Variants in SLC25A18 observed in about 807,000 individuals in gnomAD.
SLC25A18 encodes mitochondrial glutamate carrier 2.
A neutral mutation model predicts 31.1 loss-of-function variants in SLC25A18; 24 were observed. The ratio of observed to expected loss-of-function variants is 0.77; its 90% confidence interval spans 0.56 to 1.08. The LOEUF is 1.08. Ranked by LOEUF, SLC25A18 falls within the 50% of genes least tolerant of loss-of-function variation. The pLI, the probability that SLC25A18 is intolerant of heterozygous loss-of-function variation, is 0.00. For synonymous variants in SLC25A18, 173 were observed against 161.9 expected, an observed-to-expected ratio of 1.07 and a Z score of -0.52; for missense variants, 371 against 418.5, an observed-to-expected ratio of 0.89 and a Z score of 0.99.
Position 17,576,085 on chromosome 22 carries a change from G to T in SLC25A18, c.-200-3660G>T, listed in dbSNP as rs143740661. 3.2e-3 allele frequency among the ~76,000 whole-genome samples: 484 copies of T among 152,292 alleles called. 3 individuals carry two copies. Among genetic ancestry groups the T allele is most frequent in the African/African-American group, 0.011 (451 of 41,554 alleles). ...GAAGGTAGAGGAGGCCGGGCATGGT[G>T]GCTCATGCCTGTAATCCCAGCACTT... On this transcript the variant is annotated intron_variant, in intron 2 of 10. Transcript: ENST00000327451.
chr22:17,569,703 A>G (rs768355475), intron 1 of SLC25A18: 33 of 985,328 alleles, frequency 3.3e-5, no homozygotes, highest in Middle Eastern at 1.0e-3. Flanking sequence ...GCCACCAAGT[A>G]AACAGCAACC....
chr22:17,588,384 C>T (rs1025603002), intron 9 of SLC25A18: 43 of 302,784 alleles, frequency 1.4e-4, no homozygotes, highest in Non-Finnish European at 6.2e-5. Flanking sequence ...TGGTGGCTCA[C>T]GCTTGCAATC....
At chr22:17,579,551 T>C (rs372238072) in intron 2 of SLC25A18, among the ~76,000 whole-genome samples, 194 bp from the exon 3 acceptor site, 27 of 152,300 alleles carry the variant, frequency 1.8e-4, no homozygotes, top group African/African-American at 6.5e-4. Context: ...AGCAGGCTGC[T>C]GTATCCTTCT....
At chr22:17,576,825 T>C (rs2057239773) in intron 2 of SLC25A18, among the ~76,000 whole-genome samples, 1 of 152,206 alleles carries the variant, frequency 6.6e-6, no homozygotes, top group African/African-American at 2.4e-5. Flanking sequence ...ATCTGTTAGC[T>C]ATGCTATGGA....
intron 7 of SLC25A18, among the ~76,000 whole-genome samples, chr22:17,584,781 C>CAAAAAAAAAAAAAA (rs66948770): frequency 2.0e-4 from 4 of 20,066 alleles, no homozygotes; most frequent in East Asian, 3.4e-3. Context: ...GAATTCATCT[C>CAAAAAAAAAAAAAA]AAAAAAAAAA....
At chr22:17,569,595 G>C in intron 1 of SLC25A18, 1 of 985,246 alleles carries the variant, frequency 1.0e-6, no homozygotes, top group Non-Finnish European at 1.2e-6. Context: ...CTCCTCCCTG[G>C]CTTCCAGGTC....
intron 1 of SLC25A18, among the ~76,000 whole-genome samples, chr22:17,564,045 C>T (rs768363327): frequency 6.6e-6 from 1 of 152,194 alleles, no homozygotes; most frequent in South Asian, 2.1e-4. Flanking sequence ...GTCCAGCAGT[C>T]GCGTCTTCTC....
intron 1 of SLC25A18, among the ~76,000 whole-genome samples, chr22:17,569,103 G>C (rs2057021136): frequency 6.6e-6 from 1 of 151,344 alleles, no homozygotes. Flanking sequence ...CCGCCTCCTG[G>C]GTTCACGCCA....
intron 2 of SLC25A18, among the ~76,000 whole-genome samples, chr22:17,578,616 AC>A (rs2057292541): frequency 6.6e-6 from 1 of 152,162 alleles, no homozygotes; most frequent in South Asian, 2.1e-4. Flanking sequence ...TGCTCCTGAC[AC>A]CACTCCTCTG....
intron 3 of SLC25A18, 118 bp downstream of exon 3, chr22:17,580,082 C>T (rs1209647541): frequency 4.3e-6 from 4 of 936,758 alleles, no homozygotes; most frequent in African/African-American, 3.3e-5. Flanking sequence ...GAGCAAGACC[C>T]CTGTCCCCCA....
chr22:17,569,247 A>T (rs1274109003), intron 1 of SLC25A18, among the ~76,000 whole-genome samples: 2 of 152,008 alleles, frequency 1.3e-5, no homozygotes, highest in Non-Finnish European at 2.9e-5. Flanking sequence ...CGACCTCGTG[A>T]TCCGCCCGCC....
At chr22:17,569,643 G>A (rs2057036138) in intron 1 of SLC25A18, 1 of 985,300 alleles carries the variant, frequency 1.0e-6, no homozygotes, top group South Asian at 4.7e-5. Context: ...CCCCCAAGCT[G>A]CCTTGTTAAA....
intron 2 of SLC25A18, among the ~76,000 whole-genome samples, chr22:17,570,552 G>A (rs1359000352): frequency 6.6e-6 from 1 of 152,150 alleles, no homozygotes; most frequent in Non-Finnish European, 1.5e-5. Context: ...TGGCATGATG[G>A]CGGCTCACCG....
intron 10 of SLC25A18, 23 bp downstream of exon 10, chr22:17,589,688 A>G: frequency 6.2e-7 from 1 of 1,612,050 alleles, no homozygotes; most frequent in Non-Finnish European, 8.5e-7. Flanking sequence ...GTCCCCTCAA[A>G]TGGTGGCTGG....
chr22:17,588,131 C>G, intron 9 of SLC25A18, 52 bp downstream of exon 9: 1 of 1,603,500 alleles, frequency 6.2e-7, no homozygotes, highest in Non-Finnish European at 8.5e-7. Context: ...TAATTTTGCA[C>G]TTATAGATAA....
chr22:17,576,836 G>A (rs1280114630), intron 2 of SLC25A18, among the ~76,000 whole-genome samples: 1 of 152,198 alleles, frequency 6.6e-6, no homozygotes, highest in Non-Finnish European at 1.5e-5. Context: ...ATGCTATGGA[G>A]TGGCCCTGGG....
chr22:17,588,441 G>A (rs1021923276), intron 9 of SLC25A18: 2 of 225,446 alleles, frequency 8.9e-6, no homozygotes, highest in South Asian at 1.3e-4. Flanking sequence ...GAGGTCAGGA[G>A]TTTCAGACCA....
intron 1 of SLC25A18, among the ~76,000 whole-genome samples, chr22:17,568,057 A>T (rs946990385): frequency 1.8e-4 from 28 of 151,832 alleles, no homozygotes; most frequent in African/African-American, 6.0e-4. Context: ...ACAACTTTTT[A>T]AAAGAGGCAA....
At chr22:17,580,111 T>C in intron 3 of SLC25A18, 147 bp downstream of exon 3, 2 of 654,222 alleles carry the variant, frequency 3.1e-6, no homozygotes, top group South Asian at 2.0e-5. Flanking sequence ...ATACACTACA[T>C]CTACTGTGGC....
Sources: gnomAD v4.1 joint callset for allele counts (sites outside exome capture counted in the v4.1 genomes callset) on GRCh38, gnomAD v4.1.1 for gene constraint, MANE v1.5 for transcripts, NCBI Gene and HGNC (gene_info 2026-07-23, HGNC 2026-07-21) for gene names.